CBX5: variants seen among roughly 807,000 people sequenced by gnomAD.
CBX5 encodes the protein chromobox protein homolog 5.
Under a neutral mutation model 20.7 loss-of-function variants are expected in CBX5, and 7 were observed. That is an observed-to-expected ratio of 0.34 (90% confidence interval 0.19 to 0.63). The LOEUF is 0.63. CBX5 is among the 30% of genes least tolerant of loss of function. The pLI, the probability that CBX5 is intolerant of heterozygous loss-of-function variation, is 0.75. For synonymous variants in CBX5, 78 were observed against 77.0 expected, an observed-to-expected ratio of 1.01 and a Z score of -0.07; for missense variants, 110 against 224.1, an observed-to-expected ratio of 0.49 and a Z score of 3.25.
chr12:54,262,641 G>A (rs897197403), intron 1 of CBX5: 1 of 152,692 alleles, frequency 6.5e-6, no homozygotes, highest in African/African-American at 2.4e-5. Flanking sequence ...AATGAGAAAT[G>A]CACTCAGACA....
chr12:54,270,538 G>T (rs1315327118), intron 1 of CBX5, among the ~76,000 whole-genome samples: 4 of 152,158 alleles, frequency 2.6e-5, no homozygotes, highest in African/African-American at 9.7e-5. Flanking sequence ...TTCTCAAAGC[G>T]TTGAGTTTAC....
At chr12:54,267,581 G>A (rs1188763398) in intron 1 of CBX5, among the ~76,000 whole-genome samples, 2 of 151,186 alleles carry the variant, frequency 1.3e-5, no homozygotes, top group Middle Eastern at 3.2e-3. Context: ...GCACAATCTC[G>A]GCTCACTGCA....
chr12:54,271,063 T>G (rs1012040960), intron 1 of CBX5, among the ~76,000 whole-genome samples: 11 of 152,270 alleles, frequency 7.2e-5, no homozygotes, highest in African/African-American at 2.6e-4. Context: ...TTAAATTTTT[T>G]TAAAAAACCT....
intron 1 of CBX5, among the ~76,000 whole-genome samples, chr12:54,274,934 T>C (rs1944046865): frequency 6.6e-6 from 1 of 152,128 alleles, no homozygotes; most frequent in South Asian, 2.1e-4. Flanking sequence ...AGCGCGACTC[T>C]GTCTCAAAAA....
chr12:54,263,682 T>G (rs1461095645), intron 1 of CBX5, among the ~76,000 whole-genome samples: 2 of 143,460 alleles, frequency 1.4e-5, no homozygotes, highest in Admixed American at 7.2e-5. Context: ...GGAGAATCGC[T>G]TAAACGGGAG....
In CBX5 at chr12:54,241,708, G is replaced by T; in HGVS notation, c.*47C>A. 1.3e-6 allele frequency: 2 copies of T among 1,557,732 alleles called. No homozygotes were observed. The highest frequency in any genetic ancestry group is 1.7e-6 in the Non-Finnish European group (2 of 1,149,404). ...GGTAGAAAGGAGAGGAGGCAGGGAG[G>T]TGAATGTATTATGTACAAAGAGAAA... On this transcript the variant is annotated 3_prime_UTR_variant, in exon 5 of 5. Coordinates refer to ENST00000209875, the MANE Select transcript of CBX5 (RefSeq NM_012117.3).
At chr12:54,263,342 C>A (rs1592161755) in intron 1 of CBX5, among the ~76,000 whole-genome samples, 1 of 151,368 alleles carries the variant, frequency 6.6e-6, no homozygotes, top group South Asian at 2.1e-4. Flanking sequence ...GCCTGGACAA[C>A]AAGGGCAAAA....
chr12:54,250,312 G>GA (rs1943781931), intron 3 of CBX5, among the ~76,000 whole-genome samples: 1 of 152,128 alleles, frequency 6.6e-6, no homozygotes, highest in Non-Finnish European at 1.5e-5. Flanking sequence ...TCAGAAGGCT[G>GA]AAACAGGAGA....
intron 4 of CBX5, among the ~76,000 whole-genome samples, chr12:54,242,816 A>T (rs919975147): frequency 6.6e-5 from 10 of 151,528 alleles, no homozygotes; most frequent in Admixed American, 3.9e-4. Flanking sequence ...CAAATCAATT[A>T]AAAAAAAATT....
intron 1 of CBX5, among the ~76,000 whole-genome samples, chr12:54,268,773 A>G (rs926993269): frequency 2.6e-5 from 4 of 152,230 alleles, no homozygotes; most frequent in Non-Finnish European, 5.9e-5. Context: ...AATAGTGGAA[A>G]GATCAGGACA....
Position 54,236,439 on chromosome 12 carries a change from G to A in CBX5, c.*5316C>T, listed in dbSNP as rs2137005129. On this transcript the variant is annotated 3_prime_UTR_variant, in exon 5 of 5. Coordinates refer to ENST00000209875, the MANE Select transcript of CBX5 (RefSeq NM_012117.3). ...AATTTAGAAAGCTTAATAAAAATTG[G>A]GTGAGGGGGCATCTAATTCAGAACA... The A allele has an allele frequency of 6.6e-6, 1 of 152,266 alleles. No homozygotes were observed. Among genetic ancestry groups the A allele is most frequent in the Admixed American group, 6.5e-5 (1 of 15,288 alleles). 9.4% of individuals were successfully genotyped at this position (152,266 alleles called of 1,614,324 possible). A position where few individuals can be genotyped will look rare whatever the true frequency, so the allele number is the denominator to read the frequency against.
intron 3 of CBX5, among the ~76,000 whole-genome samples, chr12:54,247,273 G>A (rs933134547): frequency 2.0e-5 from 3 of 152,110 alleles, no homozygotes; most frequent in African/African-American, 7.2e-5. Flanking sequence ...AAACTGGCCT[G>A]GTGCAGTGAC....
At chr12:54,241,969 G>A (rs554048131) in intron 4 of CBX5, 64 bp from the exon 5 acceptor site, 15 of 1,473,178 alleles carry the variant, frequency 1.0e-5, no homozygotes, top group Middle Eastern at 1.7e-4. Flanking sequence ...CCAGACATAC[G>A]TTTATGTCAT....
At chr12:54,279,735 C>A (rs1944113251) in intron 1 of CBX5, among the ~76,000 whole-genome samples, 1 of 152,212 alleles carries the variant, frequency 6.6e-6, no homozygotes, top group Admixed American at 6.5e-5. Flanking sequence ...ACCCGTCTCC[C>A]ACATTCCGAT....
chr12:54,248,182 T>C (rs1433310654), intron 3 of CBX5, among the ~76,000 whole-genome samples: 2 of 151,758 alleles, frequency 1.3e-5, no homozygotes, highest in Non-Finnish European at 2.9e-5. Flanking sequence ...CGAGACAGGG[T>C]TTCACCATGT....
intron 1 of CBX5, among the ~76,000 whole-genome samples, chr12:54,269,769 C>T (rs1449579565): frequency 6.6e-6 from 1 of 152,060 alleles, no homozygotes; most frequent in Non-Finnish European, 1.5e-5. Flanking sequence ...AAGGTTCTGA[C>T]GTTTTCTTCT....
chr12:54,270,849 T>C (rs1403518248), intron 1 of CBX5, among the ~76,000 whole-genome samples: 2 of 152,094 alleles, frequency 1.3e-5, no homozygotes, highest in Non-Finnish European at 2.9e-5. Flanking sequence ...CCCAGGGGTC[T>C]GACACCAATC....
intron 3 of CBX5, among the ~76,000 whole-genome samples, chr12:54,247,840 ATTTT>A (rs1175819369): frequency 7.3e-6 from 1 of 137,836 alleles, no homozygotes. Context: ...CCCCTGGCTA[ATTTT>A]TTTTTTTTTT....
intron 1 of CBX5, chr12:54,274,473 C>T (rs1009975998): frequency 1.3e-5 from 2 of 152,136 alleles, no homozygotes; most frequent in African/African-American, 4.8e-5. Flanking sequence ...TAATTTATTA[C>T]TTTTAAAATC....
Sources: gnomAD v4.1 joint callset for allele counts (sites outside exome capture counted in the v4.1 genomes callset) on GRCh38, gnomAD v4.1.1 for gene constraint, MANE v1.5 for transcripts, NCBI Gene and HGNC (gene_info 2026-07-23, HGNC 2026-07-21) for gene names.